Variants in PKP2 observed in about 807,000 individuals in gnomAD.
PKP2 encodes the protein plakophilin-2.
A neutral mutation model predicts 83.4 loss-of-function variants in PKP2; 73 were observed. That is an observed-to-expected ratio of 0.88 (90% CI 0.72 to 1.06). The LOEUF (loss-of-function observed/expected upper bound fraction) is 1.06, where lower values mean the gene tolerates loss of function less well. Among genes scored for constraint, PKP2 ranks in the 50% least tolerant of loss-of-function variants. The pLI, the probability that PKP2 is intolerant of heterozygous loss-of-function variation, is 0.00. For synonymous variants in PKP2, 409 were observed against 430.4 expected (o/e 0.95, Z 0.62); for missense variants, 966 against 1,065.4 (o/e 0.91, Z 1.30).
At chr12:32,880,525 G>C (rs146537107) in intron 1 of PKP2, among the ~76,000 whole-genome samples, 423 of 152,304 alleles carry the variant, frequency 2.8e-3, no homozygotes, top group African/African-American at 9.5e-3. Flanking sequence ...AGGCAGGAAA[G>C]GAAATCAACC....
intron 9 of PKP2, among the ~76,000 whole-genome samples, chr12:32,811,287 C>A (rs1430797648): frequency 6.6e-6 from 1 of 152,218 alleles, no homozygotes; most frequent in Non-Finnish European, 1.5e-5. Context: ...CTGTTCTTGG[C>A]AGCCTTAATT....
intron 4 of PKP2, among the ~76,000 whole-genome samples, chr12:32,856,954 T>C (rs191450222): frequency 1.3e-5 from 2 of 152,256 alleles, no homozygotes; most frequent in African/African-American, 4.8e-5. Flanking sequence ...GTAAGAAAGC[T>C]GAAGCTCAGA....
chr12:32,797,492 T>C (rs2137712981), intron 10 of PKP2, among the ~76,000 whole-genome samples: 1 of 130,858 alleles, frequency 7.6e-6, no homozygotes, highest in Admixed American at 7.6e-5. Flanking sequence ...AAAACCCACG[T>C]AAGAAACCTG....
intron 4 of PKP2, among the ~76,000 whole-genome samples, chr12:32,858,076 AAAAAAAAAATATATAT>A (rs1956765171): frequency 1.5e-5 from 1 of 65,808 alleles, no homozygotes; most frequent in African/African-American, 7.0e-5. Context: ...AAAAAAAAAA[AAAAAAAAAATATATAT>A]ATATATATAT....
chr12:32,830,116 C>T (rs1180932068), intron 6 of PKP2, among the ~76,000 whole-genome samples: 1 of 152,208 alleles, frequency 6.6e-6, no homozygotes. Flanking sequence ...GTCAGATAAA[C>T]ACTTGGTAGG....
intron 3 of PKP2, among the ~76,000 whole-genome samples, chr12:32,876,149 C>A (rs1956930251): frequency 6.6e-6 from 1 of 152,100 alleles, no homozygotes; most frequent in African/African-American, 2.4e-5. Flanking sequence ...TCTCAAACAC[C>A]ACCCACAGGT....
intron 4 of PKP2, among the ~76,000 whole-genome samples, chr12:32,855,238 G>T (rs11616075): frequency 0.15 from 22,353 of 152,140 alleles, 1,800 homozygotes; most frequent in Middle Eastern, 0.22. Context: ...AGCAATGGGG[G>T]AAGACTGGTT....
intron 3 of PKP2, among the ~76,000 whole-genome samples, chr12:32,876,387 ATAAT>A (rs1956932465): frequency 6.6e-6 from 1 of 152,184 alleles, no homozygotes; most frequent in Admixed American, 6.5e-5. Flanking sequence ...ATGTCAGATA[ATAAT>A]TTTGTTACTG....
At chr12:32,865,691 A>AAAAAAAAAAAAAG (rs1956842247) in intron 4 of PKP2, among the ~76,000 whole-genome samples, 1 of 151,658 alleles carries the variant, frequency 6.6e-6, no homozygotes, top group African/African-American at 2.4e-5. Flanking sequence ...CAAAAAAAAA[A>AAAAAAAAAAAAAG]AGACAAATAG....
intron 6 of PKP2, among the ~76,000 whole-genome samples, chr12:32,839,287 T>C (rs983222116): frequency 1.3e-5 from 2 of 151,924 alleles, no homozygotes; most frequent in African/African-American, 4.8e-5. Flanking sequence ...AGGCCAACAG[T>C]TGCTCAAATG....
At chr12:32,802,196 T>G (rs780274074) in intron 10 of PKP2, among the ~76,000 whole-genome samples, 1 of 151,858 alleles carries the variant, frequency 6.6e-6, no homozygotes, top group Non-Finnish European at 1.5e-5. Context: ...TTTTTAAATG[T>G]TGGATATTTA....
At chr12:32,825,280 T>C (rs1956426817) in intron 6 of PKP2, among the ~76,000 whole-genome samples, 1 of 149,288 alleles carries the variant, frequency 6.7e-6, no homozygotes. Flanking sequence ...GCGATTCTCC[T>C]GCCTCAGCCT....
At chr12:32,856,529 C>T (rs2137881155) in intron 4 of PKP2, among the ~76,000 whole-genome samples, 1 of 152,138 alleles carries the variant, frequency 6.6e-6, no homozygotes, top group South Asian at 2.1e-4. Context: ...CCCATGTTCT[C>T]ACTCATAGGT....
chr12:32,858,103 ATATATATATATATTTATATATAT>A (rs1956769186), intron 4 of PKP2, among the ~76,000 whole-genome samples: 1 of 94,606 alleles, frequency 1.1e-5, no homozygotes, highest in Non-Finnish European at 2.0e-5. Flanking sequence ...ATATATATAT[ATATATATATATATTTATATATAT>A]TTTATATTTA....
At chr12:32,893,126 A>C (rs1286026005) in intron 1 of PKP2, among the ~76,000 whole-genome samples, 2 of 152,222 alleles carry the variant, frequency 1.3e-5, no homozygotes, top group African/African-American at 4.8e-5. Flanking sequence ...ATTGGAAAGA[A>C]GACAAAGGGT....
chr12:32,884,370 C>T (rs1409540620), intron 1 of PKP2, among the ~76,000 whole-genome samples: 1 of 152,128 alleles, frequency 6.6e-6, no homozygotes, highest in Non-Finnish European at 1.5e-5. Flanking sequence ...AGGAGAATTA[C>T]TTGAACCCAG....
chr12:32,849,156 A>C (rs1956675336), intron 5 of PKP2, among the ~76,000 whole-genome samples: 1 of 151,474 alleles, frequency 6.6e-6, no homozygotes, highest in South Asian at 2.1e-4. Flanking sequence ...TATCGCTGAG[A>C]CATTGAAGAT....
chr12:32,877,093 T>C (rs1956939419), intron 3 of PKP2, among the ~76,000 whole-genome samples: 1 of 152,192 alleles, frequency 6.6e-6, no homozygotes, highest in Non-Finnish European at 1.5e-5. Flanking sequence ...ATATCTAATG[T>C]TTTAGCCTAA....
intron 6 of PKP2, among the ~76,000 whole-genome samples, chr12:32,828,473 T>C (rs946288420): frequency 1.2e-4 from 19 of 152,226 alleles, no homozygotes; most frequent in Middle Eastern, 3.2e-3. Context: ...ATTTAGTGTT[T>C]GCACTAGACA....
Sources: gnomAD v4.1 joint callset for allele counts (sites outside exome capture counted in the v4.1 genomes callset) on GRCh38, gnomAD v4.1.1 for gene constraint, MANE v1.5 for transcripts, NCBI Gene and HGNC (gene_info 2026-07-23, HGNC 2026-07-21) for gene names.